TMPRSS6: variants seen among roughly 807,000 people sequenced by gnomAD.
The protein encoded by TMPRSS6 is transmembrane protease serine 6.
Under a neutral mutation model 101.5 loss-of-function variants are expected in TMPRSS6, and 67 were observed. The ratio of observed to expected loss-of-function variants is 0.66; its 90% CI spans 0.54 to 0.81. The LOEUF (loss-of-function observed/expected upper bound fraction) is 0.81. TMPRSS6 is among the 30% of genes least tolerant of loss of function. The pLI is 0.00. For missense variants in TMPRSS6, 1,034 were observed against 1,088.7 expected, an observed-to-expected ratio of 0.95 and a Z score of 0.71; for synonymous variants, 453 against 464.9, an observed-to-expected ratio of 0.97 and a Z score of 0.33.
chr22:37,068,722 C>T (rs1464393926), intron 16 of TMPRSS6: 2 of 779,348 alleles, frequency 2.6e-6, no homozygotes, highest in Admixed American at 3.4e-5. Context: ...CCCTAAAATC[C>T]AGCCTGGATG....
intron 10 of TMPRSS6, among the ~76,000 whole-genome samples, chr22:37,079,857 C>G (rs1928121616): frequency 6.6e-6 from 1 of 152,262 alleles, no homozygotes; most frequent in Admixed American, 6.5e-5. Context: ...GTCAGCCACA[C>G]TGAAGTTCCT....
At chr22:37,104,971 A>AAAT (rs1569029714) in intron 1 of TMPRSS6, among the ~76,000 whole-genome samples, 2 of 151,616 alleles carry the variant, frequency 1.3e-5, no homozygotes, top group African/African-American at 4.8e-5. Context: ...AGAAAAAAAA[A>AAAT]AACATAAAAA....
chr22:37,089,829 G>A (rs1471442867), intron 6 of TMPRSS6, 47 bp from the exon 7 acceptor site: 1 of 1,580,462 alleles, frequency 6.3e-7, no homozygotes, highest in African/African-American at 1.3e-5. Context: ...TGAGCCAGAA[G>A]GAGGGGACCC....
intron 9 of TMPRSS6, 49 bp downstream of exon 9, chr22:37,084,678 T>G: frequency 1.4e-6 from 2 of 1,446,734 alleles, no homozygotes; most frequent in South Asian, 1.2e-5. Flanking sequence ...CAGGGACCTG[T>G]AGTGTGCTTG....
At chr22:37,070,460 A>G (rs1926778738) in intron 15 of TMPRSS6, 24 bp downstream of exon 15, 2 of 1,613,018 alleles carry the variant, frequency 1.2e-6, no homozygotes, top group African/African-American at 2.7e-5. Context: ...CTTACTGCCT[A>G]GGCCCCCACA....
At chr22:37,075,889 C>T (rs545972712) in intron 10 of TMPRSS6, among the ~76,000 whole-genome samples, 4 of 135,334 alleles carry the variant, frequency 3.0e-5, no homozygotes, top group Non-Finnish European at 6.2e-5. Context: ...GCAATAAGAA[C>T]GAAAGTACGT....
intron 2 of TMPRSS6, among the ~76,000 whole-genome samples, chr22:37,099,083 G>T (rs1232846780): frequency 6.6e-6 from 1 of 152,246 alleles, no homozygotes; most frequent in Non-Finnish European, 1.5e-5. Flanking sequence ...CTGTCTGTGG[G>T]CAGTGCCATC....
intron 3 of TMPRSS6, 149 bp downstream of exon 3, chr22:37,098,267 C>A: frequency 8.4e-7 from 1 of 1,189,182 alleles, no homozygotes; most frequent in Non-Finnish European, 1.3e-6. Context: ...TGACCCTCAA[C>A]CTCATCTGCT....
Position 37,103,627 on chromosome 22 carries a change from C to A in TMPRSS6, c.-1-209G>T. Reference sequence around the variant, plus strand: ...GTCAGCTCGCACCAGAGGGCAGGCACCAGAGCTGGACTGGGTCTGGCTCAA... The same window carrying A: ...GTCAGCTCGCACCAGAGGGCAGGCAACAGAGCTGGACTGGGTCTGGCTCAA... On this transcript the variant is annotated intron_variant, in intron 1 of 17. Coordinates refer to ENST00000676104, the MANE Select transcript of TMPRSS6 (RefSeq NM_001374504.1). The surrounding 1 kb of genome is among the most constrained non-coding windows in gnomAD (Gnocchi z 4.4). The A allele has an allele frequency of 6.3e-7, 1 of 1,592,342 alleles. No individual in the cohort carries two copies.
At chr22:37,098,625 T>C (rs1930038711) in intron 2 of TMPRSS6, 76 bp from the exon 3 acceptor site, 1 of 1,605,006 alleles carries the variant, frequency 6.2e-7, no homozygotes, top group African/African-American at 1.3e-5. Flanking sequence ...TGCCTTCTCC[T>C]GCCACCCACA....
chr22:37,097,681 G>A (rs1397075525), intron 3 of TMPRSS6, among the ~76,000 whole-genome samples: 1 of 148,482 alleles, frequency 6.7e-6, no homozygotes, highest in Non-Finnish European at 1.5e-5. Context: ...GTAACGGAGG[G>A]GCAGGAGCGG....
intron 10 of TMPRSS6, among the ~76,000 whole-genome samples, chr22:37,078,583 A>C (rs989407242): frequency 6.6e-5 from 10 of 152,300 alleles, no homozygotes; most frequent in African/African-American, 2.4e-4. Context: ...GGAGTCACTC[A>C]GCGTAAAGAC....
In TMPRSS6 at chr22:37,093,496, G is replaced by A. The variant is rs186227970; in HGVS notation, c.631+2055C>T. On this transcript the variant is annotated intron_variant, in intron 6 of 17. Transcript: ENST00000676104. ...CAGCTCACTGCAAGCTCCATCTTCC[G>A]GGTTCAAGTGATTCTCCTGCCTCAG... Among the ~76,000 whole-genome samples the A allele has an allele frequency of 3.8e-3, 537 of 140,600 alleles. 8 individuals carry two copies. In the South Asian group the frequency reaches 0.039, roughly 10 times the overall value. 92.2% of individuals were successfully genotyped at this position (140,600 alleles called of 152,430 possible).
rs1398390843 is a variant in TMPRSS6 at position 37,071,027 on chromosome 22, G to T, written c.1561C>A (p.Pro521Thr). The change falls in exon 14 of 18, where the codon CCA becomes ACA. Residue 521 changes from proline to threonine, a missense_variant. Transcript: ENST00000676104. ...CACTGGAAGGTGAATGTCCCACATGGCACCCCTGGGACAGAGGGGATGGGG... is the reference window on the plus strand; with the variant it reads ...CACTGGAAGGTGAATGTCCCACATGTCACCCCTGGGACAGAGGGGATGGGG... ...SDEEQCQEGVPCGTFTFQCED... is the reference protein window; with the variant it reads ...SDEEQCQEGVTCGTFTFQCED... 5.0e-6 allele frequency: 8 copies of T among 1,612,210 alleles called. No individual in the cohort carries two copies. The highest frequency in any genetic ancestry group is 6.8e-6 in the Non-Finnish European group (8 of 1,179,672).
At position 37,066,882 on chromosome 22, in the gene TMPRSS6, C is replaced by G. The variant is rs1234571455; in HGVS notation, c.2194G>C (p.Val732Leu). ...DLCSEVYRYQVTPRMLCAGYR... is the reference protein window; with the variant it reads ...DLCSEVYRYQLTPRMLCAGYR... ...CCGGCACACAGCATGCGTGGCGTCACCTGGTAGCGATAGACCTCGCTGCAC... is the reference window on the plus strand; with the variant it reads ...CCGGCACACAGCATGCGTGGCGTCAGCTGGTAGCGATAGACCTCGCTGCAC... The change falls in exon 17 of 18, where the codon GTG becomes CTG. Residue 732 changes from valine to leucine, a missense_variant. Physicochemically the swap from Val to Leu is conservative, Grantham distance 32. Coordinates refer to ENST00000676104, the MANE Select transcript of TMPRSS6 (RefSeq NM_001374504.1). The G allele has an allele frequency of 6.2e-7, 1 of 1,614,196 alleles. No homozygotes were observed. Among genetic ancestry groups the G allele is most frequent in the East Asian group, 2.2e-5 (1 of 44,884 alleles).
rs1292141029 is a variant in TMPRSS6, at chr22:37,084,358, G to C, written c.1133C>G (p.Ala378Gly). Residue 378 changes from alanine to glycine, a missense_variant, in exon 10 of 18, where the codon GCA becomes GGA. Ala to Gly is a moderately conservative substitution (Grantham distance 60, BLOSUM62 0). Transcript: ENST00000676104. ...YGLALWFDAY[A>G]LRRQKYDLPC... Reference sequence around the variant, plus strand: ...CAAATCATACTTCTGCCTCCTCAGTGCATAGGCATCAAACCAGAGGGCCAA... The same window carrying C: ...CAAATCATACTTCTGCCTCCTCAGTCCATAGGCATCAAACCAGAGGGCCAA... 6.2e-7 allele frequency: 1 copy of C among 1,613,354 alleles called. No homozygotes were observed. Among genetic ancestry groups the C allele is most frequent in the African/African-American group, 1.3e-5 (1 of 74,888 alleles).
In TMPRSS6 at chr22:37,070,907, A is replaced by G. The variant is rs200801061; in HGVS notation, c.1672+9T>C. ...AGCTCCAGGGCCCCGGCAGCCAGGC[A>G]GGGCTCACCACAGTGCTCCTCATCC... On this transcript the variant is annotated intron_variant, in intron 14 of 17. Coordinates refer to ENST00000676104, the MANE Select transcript of TMPRSS6 (RefSeq NM_001374504.1). The G allele has an allele frequency of 1.7e-4, 269 of 1,612,192 alleles. 1 individual carries two copies. In the East Asian group the frequency reaches 4.2e-3, roughly 25 times the overall value.
In TMPRSS6 at chr22:37,096,684, C is replaced by A. The variant is rs1338065892; in HGVS notation, c.368G>T (p.Gly123Val). ...GACGGAGCTGGAGTTGTAGTAAGTT[C>A]CCAGGCGGGTGCTGGTGATGAGCTC... ...LKELITSTRLGTYYNSSSVYS... is the reference protein window; with the variant it reads ...LKELITSTRLVTYYNSSSVYS... Residue 123 changes from glycine (G) to valine (V), a missense_variant, in exon 4 of 18, where the codon GGA becomes GTA. Physicochemically the swap from Gly to Val is moderately radical, Grantham distance 109. Coordinates refer to ENST00000676104, the MANE Select transcript of TMPRSS6 (RefSeq NM_001374504.1). 2 of 1,566,988 alleles carry A rather than the reference C, an allele frequency of 1.3e-6. No homozygotes were observed. The highest frequency in any genetic ancestry group is 1.2e-5 in the South Asian group (1 of 84,990).
rs1046682466 is a variant in TMPRSS6, at chr22:37,065,657, C to T, written c.*423G>A. The T allele has an allele frequency of 2.0e-5, 4 of 195,484 alleles. No individual in the cohort carries two copies. The highest frequency in any genetic ancestry group is 1.6e-4 in the Admixed American group (3 of 18,848). 12.1% of individuals were successfully genotyped at this position (195,484 alleles called of 1,614,324 possible). A position where few individuals can be genotyped will look rare whatever the true frequency, so the allele number is the denominator to read the frequency against. On this transcript the variant is annotated 3_prime_UTR_variant, in exon 18 of 18. Coordinates refer to ENST00000676104, the MANE Select transcript of TMPRSS6 (RefSeq NM_001374504.1). ...TTCCATTCCCAGATCCCAAGTTAGA[C>T]CAGGGGCTTCCGAAGCTGGAATCTG...
Sources: gnomAD v4.1 joint callset for allele counts (sites outside exome capture counted in the v4.1 genomes callset) on GRCh38, gnomAD v4.1.1 for gene constraint, Gnocchi (gnomAD v3.1) non-coding constraint, MANE v1.5 for transcripts, NCBI Gene and HGNC (gene_info 2026-07-23, HGNC 2026-07-21) for gene names.